ITK: variants seen among roughly 807,000 people sequenced by gnomAD.
ITK encodes the protein tyrosine-protein kinase ITK/TSK.
Under a neutral mutation model 87.6 loss-of-function variants are expected in ITK, and 45 were observed. The observed-to-expected ratio is 0.51, with a 90% CI of 0.40 to 0.66. The LOEUF (loss-of-function observed/expected upper bound fraction) is 0.66, where lower values mean the gene tolerates loss of function less well. ITK is among the 30% of genes least tolerant of loss of function. ITK has a pLI of 0.00. For synonymous variants in ITK, 303 were observed against 273.6 expected (o/e 1.11, Z -1.06); for missense variants, 605 against 766.3 (o/e 0.79, Z 2.48).
chr5:157,183,700 G>A (rs1448143190), intron 1 of ITK, among the ~76,000 whole-genome samples: 3 of 152,156 alleles, frequency 2.0e-5, no homozygotes, highest in Non-Finnish European at 4.4e-5. Flanking sequence ...GTTTTGTGGG[G>A]TAGATATACA....
At chr5:157,202,564 T>G (rs1402721873) in intron 1 of ITK, among the ~76,000 whole-genome samples, 1 of 152,190 alleles carries the variant, frequency 6.6e-6, no homozygotes, top group Non-Finnish European at 1.5e-5. Context: ...GTTAATTCTA[T>G]ATCTTTGCTA....
rs1009506289 is a variant in ITK at position 157,239,523 on chromosome 5, C to A, written c.852-539C>A. ...AGCGTTCACCATAAAACACATGTTT[C>A]TAGCAGACGGTTTAGGTACAGCTCG... On this transcript the variant is annotated intron_variant, in intron 9 of 16. Coordinates refer to ENST00000422843, the MANE Select transcript of ITK (RefSeq NM_005546.4). 1.3e-3 allele frequency among the ~76,000 whole-genome samples: 202 copies of A among 151,962 alleles called. 2 individuals carry two copies. Among genetic ancestry groups the A allele is most frequent in the Non-Finnish European group, 7.4e-4 (50 of 68,008 alleles).
chr5:157,192,041 T>C (rs1012051591), intron 1 of ITK, among the ~76,000 whole-genome samples: 1 of 152,242 alleles, frequency 6.6e-6, no homozygotes, highest in Non-Finnish European at 1.5e-5. Context: ...GAGAAGATTA[T>C]GTTTCTAAAA....
chr5:157,185,237 G>A (rs407059), intron 1 of ITK, among the ~76,000 whole-genome samples: 28,241 of 151,314 alleles, frequency 0.19, 3,482 homozygotes, highest in African/African-American at 0.35. Context: ...TCTCTAAAAA[G>A]CTATCTTTTT....
At chr5:157,195,047 G>T (rs1045600282) in intron 1 of ITK, 1 of 152,216 alleles carries the variant, frequency 6.6e-6, no homozygotes, top group African/African-American at 2.4e-5. Context: ...AAGATATTGG[G>T]TTGCTGCAAA....
chr5:157,211,490 G>A (rs1754191645), intron 3 of ITK, 122 bp downstream of exon 3: 1 of 873,252 alleles, frequency 1.1e-6, no homozygotes, highest in Admixed American at 1.9e-5. Flanking sequence ...TTTGGGGTTG[G>A]TGGAAGTTCC....
At position 157,252,618 on chromosome 5, in the gene ITK, T is replaced by C. The variant is rs1324881143; in HGVS notation, c.1803T>C (p.Asp601=). 17 of 1,613,914 alleles carry C rather than the reference T, an allele frequency of 1.1e-5. No individual in the cohort carries two copies. The highest frequency in any genetic ancestry group is 1.3e-5 in the African/African-American group (1 of 74,944). Residue 601 remains aspartate (D), a synonymous_variant, in exon 17 of 17, where the codon GAT becomes GAC. Transcript: ENST00000422843. ...MNHCWKERPE[D]RPAFSRLLRQ... is the part of the protein sequence containing the mutation. ...TTTTCCCTCTCCAGAGACCAGAAGA[T>C]CGGCCAGCCTTCTCCAGACTGCTGC... is the stretch of plus-strand genomic sequence containing the variant.
intron 1 of ITK, among the ~76,000 whole-genome samples, chr5:157,207,626 C>T (rs991209591): frequency 2.0e-5 from 3 of 151,896 alleles, no homozygotes; most frequent in Admixed American, 6.6e-5. Context: ...GTGATCTTCC[C>T]GTGTCGGCCT....
intron 1 of ITK, among the ~76,000 whole-genome samples, chr5:157,197,812 G>T (rs1753881625): frequency 1.3e-5 from 2 of 152,218 alleles, no homozygotes; most frequent in African/African-American, 4.8e-5. Context: ...TCTATTGATG[G>T]ATATTTAAGT....
intron 15 of ITK, among the ~76,000 whole-genome samples, chr5:157,247,444 C>A (rs1423652699): frequency 6.6e-6 from 1 of 152,188 alleles, no homozygotes; most frequent in Non-Finnish European, 1.5e-5. Context: ...ACTGATCACA[C>A]TGCACCAAGC....
At chr5:157,218,718 GC>G (rs1454840322) in intron 5 of ITK, among the ~76,000 whole-genome samples, 2 of 152,132 alleles carry the variant, frequency 1.3e-5, no homozygotes, top group Admixed American at 1.3e-4. Flanking sequence ...AGGTCTTGAG[GC>G]TTTTCCAAGG....
At chr5:157,204,612 T>C (rs951208330) in intron 1 of ITK, among the ~76,000 whole-genome samples, 1 of 151,740 alleles carries the variant, frequency 6.6e-6, no homozygotes, top group East Asian at 1.9e-4. Context: ...GGCAGGAGAA[T>C]CGCTTGAACC....
chr5:157,243,987 C>T, intron 12 of ITK, 193 bp downstream of exon 12: 1 of 685,154 alleles, frequency 1.5e-6, no homozygotes, highest in South Asian at 1.7e-5. Context: ...ATCATGCCCA[C>T]CTCCCCCTTC....
intron 1 of ITK, 55 bp from the exon 2 acceptor site, chr5:157,208,834 G>T: frequency 7.8e-7 from 1 of 1,283,848 alleles, no homozygotes; most frequent in South Asian, 1.2e-5. Flanking sequence ...GAGCAATCTG[G>T]ACAAAAATAT....
chr5:157,218,436 G>T (rs1206817540), intron 5 of ITK, among the ~76,000 whole-genome samples: 2 of 151,296 alleles, frequency 1.3e-5, no homozygotes, highest in Non-Finnish European at 1.5e-5. Context: ...ACTCCCAGGA[G>T]GTCGAGACTG....
At chr5:157,243,836 A>C (rs375068304) in intron 12 of ITK, 42 bp downstream of exon 12, 9 of 1,585,036 alleles carry the variant, frequency 5.7e-6, no homozygotes, top group African/African-American at 1.3e-5. Context: ...TCTGGGGGGA[A>C]CATCGGTTCA....
chr5:157,238,538 A>G (rs1329539547), intron 9 of ITK, among the ~76,000 whole-genome samples: 1 of 152,240 alleles, frequency 6.6e-6, no homozygotes, highest in African/African-American at 2.4e-5. Context: ...AAAATATATG[A>G]ACTCCAGTTC....
chr5:157,184,553 G>A (rs1277840682), intron 1 of ITK, among the ~76,000 whole-genome samples: 1 of 152,186 alleles, frequency 6.6e-6, no homozygotes, highest in Non-Finnish European at 1.5e-5. Context: ...AGTAAGCACA[G>A]GATGGAAGAG....
rs967480499 is a variant in ITK at position 157,241,538 on chromosome 5, A to G, written c.986-108A>G. 5 of 787,836 alleles carry G rather than the reference A, an allele frequency of 6.3e-6. No homozygotes were observed. In the Admixed American group the frequency reaches 9.6e-5, roughly 15 times the overall value. The allele number at this position is 787,836 out of a possible 1,614,324, so 48.8% of individuals were successfully genotyped here. A position where few individuals can be genotyped will look rare whatever the true frequency, so the allele number is the denominator to read the frequency against. The stretch of plus-strand genomic sequence containing the variant: ...TTTGGGATTTGTTTTCCAGAATAAA[A>G]TTAGCTTTTGCGTCTGATGATGATT... On this transcript the variant is annotated intron_variant, in intron 10 of 16. Transcript: ENST00000422843.
Sources: gnomAD v4.1 joint callset for allele counts (sites outside exome capture counted in the v4.1 genomes callset) on GRCh38, gnomAD v4.1.1 for gene constraint, MANE v1.5 for transcripts, NCBI Gene and HGNC (gene_info 2026-07-23, HGNC 2026-07-21) for gene names.